Variants in NAA11 observed in about 807,000 individuals in gnomAD.
NAA11 encodes the protein N-alpha-acetyltransferase 11.
Under a neutral mutation model 16.1 loss-of-function variants are expected in NAA11, and 15 were observed. The observed-to-expected ratio is 0.93, with a 90% CI of 0.62 to 1.44. NAA11 has a LOEUF of 1.44. Ranked by LOEUF, NAA11 falls within the 40% of genes most tolerant of loss-of-function variation. The pLI, the probability that NAA11 is intolerant of heterozygous loss-of-function variation, is 0.00. For missense variants in NAA11, 298 were observed against 291.3 expected, an observed-to-expected ratio of 1.02 and a Z score of -0.17; for synonymous variants, 122 against 112.4, an observed-to-expected ratio of 1.09 and a Z score of -0.54.
At chr4:79,245,699 C>T (rs1291939503) in intron 2 of NAA11, among the ~76,000 whole-genome samples, 16 of 151,982 alleles carry the variant, frequency 1.1e-4, no homozygotes, top group Admixed American at 1.0e-3. Flanking sequence ...AGGAGTGTCT[C>T]TGCCTGTTCG....
chr4:79,256,741 C>T (rs926244378), intron 2 of NAA11, among the ~76,000 whole-genome samples: 4 of 150,602 alleles, frequency 2.7e-5, no homozygotes, highest in African/African-American at 4.9e-5. Flanking sequence ...CAACTTCCAC[C>T]TCCTGGGTTC....
chr4:79,223,765 T>G (rs1482697468), downstream of NAA11, among the ~76,000 whole-genome samples: 3 of 152,076 alleles, frequency 2.0e-5, no homozygotes, highest in Admixed American at 6.6e-5. Context: ...TTTTTTTTTT[T>G]GCATGGTTAT....
the NAA11 span, among the ~76,000 whole-genome samples, chr4:79,187,855 C>T: frequency 2.0e-5 from 3 of 151,698 alleles, no homozygotes; most frequent in Non-Finnish European, 2.9e-5. Flanking sequence ...AAAAATTAGC[C>T]GGGCACGGTG....
intron 2 of NAA11, chr4:79,244,718 AGCCT>A (rs1291975534): frequency 1.4e-5 from 2 of 143,558 alleles, no homozygotes; most frequent in African/African-American, 2.6e-5. Context: ...GGCTCACTGC[AGCCT>A]CCCTGCCTGA....
the NAA11 span, among the ~76,000 whole-genome samples, chr4:79,189,149 A>AAAAAAAAAAAAAAAAAAAAAAAAAAAAC: frequency 6.8e-6 from 1 of 146,154 alleles, no homozygotes; most frequent in Non-Finnish European, 1.5e-5. Context: ...CCATCTCAAA[A>AAAAAAAAAAAAAAAAAAAAAAAAAAAAC]AAAAAAAAAA....
the NAA11 span, among the ~76,000 whole-genome samples, chr4:79,162,267 T>C: frequency 6.6e-6 from 1 of 152,176 alleles, no homozygotes; most frequent in East Asian, 1.9e-4. Context: ...TTGGGAAAGG[T>C]GGTATTCTGC....
chr4:79,159,773 G>A, the NAA11 span, among the ~76,000 whole-genome samples: 36 of 151,892 alleles, frequency 2.4e-4, no homozygotes, highest in East Asian at 7.7e-4. Flanking sequence ...TACCTTTTCC[G>A]GACATTTTAT....
At chr4:79,174,637 T>C in the NAA11 span, among the ~76,000 whole-genome samples, 1 of 152,176 alleles carries the variant, frequency 6.6e-6, no homozygotes, top group Non-Finnish European at 1.5e-5. Context: ...ATGCATCAGC[T>C]CATTTAGCAG....
chr4:79,179,074 T>C, the NAA11 span, among the ~76,000 whole-genome samples: 1 of 152,204 alleles, frequency 6.6e-6, no homozygotes, highest in African/African-American at 2.4e-5. Flanking sequence ...GTGGAAGCCA[T>C]TGAAAGGTTT....
the NAA11 span, among the ~76,000 whole-genome samples, chr4:79,188,421 T>TA: frequency 1.3e-5 from 2 of 151,852 alleles, no homozygotes. Flanking sequence ...CCATCTCTAC[T>TA]AAAAATACAA....
At chr4:79,285,405 T>A (rs1206715396) in intron 2 of NAA11, among the ~76,000 whole-genome samples, 1 of 152,046 alleles carries the variant, frequency 6.6e-6, no homozygotes, top group East Asian at 1.9e-4. Context: ...TAGAATGCTG[T>A]CTGTTGGAAG....
intron 2 of NAA11, among the ~76,000 whole-genome samples, chr4:79,278,909 A>G (rs1722726067): frequency 6.6e-6 from 1 of 152,134 alleles, no homozygotes; most frequent in Non-Finnish European, 1.5e-5. Flanking sequence ...TCCAAGATCA[A>G]GATGTCAGCA....
At chr4:79,254,985 T>C (rs1379977809) in intron 2 of NAA11, among the ~76,000 whole-genome samples, 3 of 152,138 alleles carry the variant, frequency 2.0e-5, no homozygotes, top group South Asian at 2.1e-4. Context: ...TTAAGTGATA[T>C]ACAGAAATGA....
chr4:79,285,903 A>G (rs1487074706), intron 2 of NAA11, among the ~76,000 whole-genome samples: 1 of 151,940 alleles, frequency 6.6e-6, no homozygotes, highest in Non-Finnish European at 1.5e-5. Flanking sequence ...CAAATATTCC[A>G]TTTTTTTCTC....
downstream of NAA11, among the ~76,000 whole-genome samples, chr4:79,224,563 T>G (rs1578149323): frequency 6.6e-6 from 1 of 152,008 alleles, no homozygotes; most frequent in South Asian, 2.1e-4. Context: ...TGGGGCCTTC[T>G]GAGAAGTATT....
intron 2 of NAA11, among the ~76,000 whole-genome samples, chr4:79,284,170 A>G (rs950279582): frequency 1.3e-5 from 2 of 152,092 alleles, no homozygotes; most frequent in African/African-American, 4.8e-5. Context: ...ATTTAGCTCA[A>G]CTTTTATCCA....
intron 1 of NAA11, among the ~76,000 whole-genome samples, chr4:79,324,762 T>C (rs976762140): frequency 3.9e-5 from 6 of 152,234 alleles, no homozygotes; most frequent in African/African-American, 7.2e-5. Context: ...TTTTACCTAA[T>C]GCTATTAGCC....
the NAA11 span, among the ~76,000 whole-genome samples, chr4:79,156,123 A>G: frequency 6.6e-6 from 1 of 152,156 alleles, no homozygotes; most frequent in African/African-American, 2.4e-5. Flanking sequence ...AAACCCACAT[A>G]TGTATATTTG....
intron 1 of NAA11, among the ~76,000 whole-genome samples, chr4:79,302,055 C>T (rs1578187350): frequency 6.6e-6 from 1 of 152,038 alleles, no homozygotes; most frequent in South Asian, 2.1e-4. Context: ...AGTAGAAATA[C>T]ATAAATAATT....
Sources: allele counts gnomAD v4.1 joint callset (sites outside exome capture counted in the v4.1 genomes callset), GRCh38; gene constraint gnomAD v4.1.1; transcripts MANE v1.5; gene names NCBI Gene and HGNC (gene_info 2026-07-23, HGNC 2026-07-21).